The following THSD4 variants were observed in gnomAD, a reference collection of about 807,000 sequenced individuals.
The protein encoded by THSD4 is thrombospondin type-1 domain-containing protein 4.
Under a neutral mutation model 119.0 loss-of-function variants are expected in THSD4, and 69 were observed. That is an observed-to-expected ratio of 0.58 (90% CI 0.48 to 0.71). THSD4 has a LOEUF of 0.71. Ranked by LOEUF, THSD4 falls within the 30% of genes least tolerant of loss-of-function variation. The pLI is 0.00. For synonymous variants in THSD4, 524 were observed against 540.4 expected, an observed-to-expected ratio of 0.97 and a Z score of 0.42; for missense variants, 1,393 against 1,391.1, an observed-to-expected ratio of 1.00 and a Z score of -0.02.
intron 7 of THSD4, among the ~76,000 whole-genome samples, chr15:71,583,287 T>G (rs1318938098): frequency 6.6e-6 from 1 of 152,178 alleles, no homozygotes; most frequent in African/African-American, 2.4e-5. Flanking sequence ...TCTCATTGTT[T>G]GAGCCTTTGA....
chr15:71,724,023 A>G (rs945810426), intron 8 of THSD4, among the ~76,000 whole-genome samples: 4 of 149,586 alleles, frequency 2.7e-5, no homozygotes, highest in African/African-American at 9.9e-5. Context: ...TGATTGTGCC[A>G]CTGCACTGCA....
chr15:71,153,476 C>A (rs2040746259), intron 2 of THSD4, among the ~76,000 whole-genome samples: 1 of 152,192 alleles, frequency 6.6e-6, no homozygotes, highest in Non-Finnish European at 1.5e-5. Context: ...CCTGCAACAC[C>A]ATATTACAGA....
intron 7 of THSD4, chr15:71,547,242 G>A: frequency 1.4e-6 from 2 of 1,407,166 alleles, no homozygotes; most frequent in Non-Finnish European, 1.8e-6. Context: ...CTTCAGAACA[G>A]AGGCTGAGCT....
At chr15:71,139,148 C>T (rs929641287) in intron 1 of THSD4, among the ~76,000 whole-genome samples, 1 of 152,148 alleles carries the variant, frequency 6.6e-6, no homozygotes, top group African/African-American at 2.4e-5. Context: ...TAAGTCCCAT[C>T]TACCTTGCTT....
At chr15:71,667,786 A>C (rs1016052522) in intron 8 of THSD4, among the ~76,000 whole-genome samples, 6 of 152,224 alleles carry the variant, frequency 3.9e-5, no homozygotes, top group African/African-American at 1.4e-4. Flanking sequence ...AATGAAATAG[A>C]GCAAAAAGGT....
chr15:71,666,703 A>C (rs1050279422), intron 8 of THSD4, among the ~76,000 whole-genome samples: 6 of 152,264 alleles, frequency 3.9e-5, no homozygotes, highest in Non-Finnish European at 8.8e-5. Flanking sequence ...TATAGAGTTA[A>C]GATATGAAAA....
intron 11 of THSD4, 131 bp downstream of exon 11, chr15:71,738,138 A>C (rs1312948298): frequency 4.0e-6 from 5 of 1,255,430 alleles, no homozygotes; most frequent in Non-Finnish European, 5.5e-6. Context: ...TTCTCCATGG[A>C]TGGTGGCGGG....
intron 6 of THSD4, among the ~76,000 whole-genome samples, chr15:71,368,697 A>G (rs953881928): frequency 1.6e-4 from 24 of 152,256 alleles, no homozygotes; most frequent in Non-Finnish European, 2.8e-4. Flanking sequence ...GCCTTGTAGT[A>G]TAGTTTGAAG....
chr15:71,648,391 C>T (rs974505257), intron 7 of THSD4, among the ~76,000 whole-genome samples: 14 of 152,154 alleles, frequency 9.2e-5, no homozygotes, highest in Non-Finnish European at 2.1e-4. Context: ...CATGCCCAAC[C>T]CATAGGCTCC....
chr15:71,561,265 C>G (rs1055118296), intron 7 of THSD4, among the ~76,000 whole-genome samples: 1 of 152,124 alleles, frequency 6.6e-6, no homozygotes, highest in African/African-American at 2.4e-5. Context: ...TGAGCCACCG[C>G]ACTCGGCTCT....
chr15:71,539,106 A>G (rs564211106), intron 7 of THSD4, among the ~76,000 whole-genome samples: 2 of 152,372 alleles, frequency 1.3e-5, no homozygotes, highest in East Asian at 3.9e-4. Flanking sequence ...GTAGATTCTC[A>G]TGATTGTCCT....
chr15:71,145,279 G>T (rs562979365), intron 2 of THSD4, among the ~76,000 whole-genome samples: 2 of 152,260 alleles, frequency 1.3e-5, no homozygotes, highest in African/African-American at 4.8e-5. Context: ...AGTGAAACTG[G>T]CAGGAAATAA....
At chr15:71,467,865 T>TTTTC (rs1566994844) in intron 7 of THSD4, among the ~76,000 whole-genome samples, 3 of 151,148 alleles carry the variant, frequency 2.0e-5, no homozygotes, top group Non-Finnish European at 4.4e-5. Context: ...TTTTCTTTTT[T>TTTTC]TGAGACGGAG....
chr15:71,576,096 C>T (rs1259591677), intron 7 of THSD4, among the ~76,000 whole-genome samples: 2 of 103,690 alleles, frequency 1.9e-5, no homozygotes, highest in African/African-American at 5.8e-5. Context: ...AGATAGTAGT[C>T]TTTTTTGTGG....
chr15:71,272,906 A>G (rs2044549018), intron 6 of THSD4, among the ~76,000 whole-genome samples: 2 of 152,130 alleles, frequency 1.3e-5, no homozygotes, highest in South Asian at 2.1e-4. Flanking sequence ...AGTGTTGGCC[A>G]GGATATGGAG....
chr15:71,472,279 G>A (rs2047590943), intron 7 of THSD4, among the ~76,000 whole-genome samples: 1 of 152,180 alleles, frequency 6.6e-6, no homozygotes, highest in African/African-American at 2.4e-5. Context: ...TGATGGGGTT[G>A]TTGTCAAGAT....
chr15:71,235,881 A>G (rs908501998), intron 4 of THSD4, among the ~76,000 whole-genome samples: 1 of 152,164 alleles, frequency 6.6e-6, no homozygotes, highest in Non-Finnish European at 1.5e-5. Flanking sequence ...GTGAGCCACC[A>G]TGCTGGCTGG....
At chr15:71,542,129 A>G (rs899540593) in intron 7 of THSD4, among the ~76,000 whole-genome samples, 3 of 152,234 alleles carry the variant, frequency 2.0e-5, no homozygotes, top group African/African-American at 7.2e-5. Context: ...GGTTAAATGC[A>G]GAAGGCATGA....
chr15:71,556,160 A>G (rs1015153317), intron 7 of THSD4, among the ~76,000 whole-genome samples: 5 of 152,140 alleles, frequency 3.3e-5, no homozygotes, highest in South Asian at 2.1e-4. Context: ...TATCACATCA[A>G]TTTTCCTTGA....
Sources: gnomAD v4.1 joint callset for allele counts (sites outside exome capture counted in the v4.1 genomes callset) on GRCh38, gnomAD v4.1.1 for gene constraint, MANE v1.5 for transcripts, NCBI Gene and HGNC (gene_info 2026-07-23, HGNC 2026-07-21) for gene names.